The following TCF12 variants were observed in gnomAD, a reference collection of about 807,000 sequenced individuals.
TCF12 encodes the protein transcription factor 12.
A neutral mutation model predicts 86.0 loss-of-function variants in TCF12; 45 were observed. The observed-to-expected ratio is 0.52, with a 90% confidence interval of 0.41 to 0.67. The LOEUF is 0.67. TCF12 is among the 30% of genes least tolerant of loss of function. TCF12 has a pLI of 0.00. For missense variants in TCF12, 881 were observed against 859.9 expected (o/e 1.02, Z -0.31); for synonymous variants, 330 against 299.6 (o/e 1.10, Z -1.05).
intron 5 of TCF12, among the ~76,000 whole-genome samples, chr15:57,147,137 A>G (rs2053416384): frequency 6.6e-6 from 1 of 152,186 alleles, no homozygotes; most frequent in Admixed American, 6.5e-5. Flanking sequence ...TTAAATAGAT[A>G]TTGGCTGAAT....
intron 6 of TCF12, among the ~76,000 whole-genome samples, chr15:57,187,970 A>G (rs891578836): frequency 1.3e-5 from 2 of 152,036 alleles, no homozygotes; most frequent in Non-Finnish European, 2.9e-5. Flanking sequence ...TTAGCTAGCC[A>G]AGAAAAAGAA....
At chr15:57,063,274 A>T (rs16977228) in intron 3 of TCF12, among the ~76,000 whole-genome samples, 4,367 of 152,316 alleles carry the variant, frequency 0.029, 74 homozygotes, top group Non-Finnish European at 0.045. Flanking sequence ...ATTTAGTTTG[A>T]TGTCATCAGT....
intron 16 of TCF12, among the ~76,000 whole-genome samples, chr15:57,254,857 C>CAAAAAAAA (rs777934020): frequency 1.7e-4 from 17 of 102,464 alleles, no homozygotes; most frequent in Middle Eastern, 5.0e-3. Flanking sequence ...GACCCTGTCT[C>CAAAAAAAA]AAAAAAAAAA....
chr15:57,015,644 C>G (rs2065111359), intron 3 of TCF12, among the ~76,000 whole-genome samples: 1 of 152,126 alleles, frequency 6.6e-6, no homozygotes, highest in African/African-American at 2.4e-5. Flanking sequence ...TCTGGAGTGT[C>G]CATTTGTGGG....
chr15:57,029,626 T>C (rs2066025810), intron 3 of TCF12, among the ~76,000 whole-genome samples: 1 of 152,190 alleles, frequency 6.6e-6, no homozygotes, highest in African/African-American at 2.4e-5. Flanking sequence ...TTTTTTGGTG[T>C]ATAAGTCAAT....
intron 3 of TCF12, among the ~76,000 whole-genome samples, chr15:57,006,173 A>T (rs1043971269): frequency 6.6e-6 from 1 of 152,228 alleles, no homozygotes; most frequent in Non-Finnish European, 1.5e-5. Flanking sequence ...TATCACCACA[A>T]AAATTAAAAG....
intron 18 of TCF12, among the ~76,000 whole-genome samples, chr15:57,265,446 T>C (rs2060816931): frequency 6.6e-6 from 1 of 152,180 alleles, no homozygotes; most frequent in South Asian, 2.1e-4. Context: ...GGATTGTTTC[T>C]ACCTTGCTCC....
At chr15:57,163,494 G>C (rs1277432545) in intron 5 of TCF12, among the ~76,000 whole-genome samples, 1 of 152,150 alleles carries the variant, frequency 6.6e-6, no homozygotes, top group East Asian at 1.9e-4. Flanking sequence ...GAGCCCAGGA[G>C]TTTGAGACCA....
intron 19 of TCF12, among the ~76,000 whole-genome samples, chr15:57,274,409 C>T (rs942110516): frequency 6.6e-6 from 1 of 152,168 alleles, no homozygotes; most frequent in Admixed American, 6.5e-5. Context: ...TGGATACTTG[C>T]TCCTCTTCTC....
intron 5 of TCF12, among the ~76,000 whole-genome samples, chr15:57,103,810 G>C (rs879436396): frequency 6.6e-6 from 1 of 152,084 alleles, no homozygotes. Flanking sequence ...TTCGAGACCA[G>C]CCTGGCTAAC....
rs1172206511 is a variant in TCF12, at chr15:57,077,327, ATGTGTGTGTGTG to A, written c.222+13540_222+13551del. On this transcript the variant is annotated intron_variant, in intron 4 of 20. Coordinates refer to ENST00000333725, the MANE Select transcript of TCF12 (RefSeq NM_207037.2). ...TTACTTTCCATATATATGTATATAT[ATGTGTGTGTGTG>A]TGTGTGTGTGTGTGTGTGTGTGTGT... 5.8e-4 allele frequency among the ~76,000 whole-genome samples: 15 copies of A among 25,702 alleles called. 1 individual carries two copies. The highest frequency in any genetic ancestry group is 4.9e-3 in the East Asian group (4 of 810). The allele number at this position is 25,702 out of a possible 152,430, so 16.9% of individuals were successfully genotyped here.
At chr15:57,248,029 G>A (rs1206002360) in intron 13 of TCF12, 6 of 705,874 alleles carry the variant, frequency 8.5e-6, no homozygotes, top group African/African-American at 5.2e-5. Context: ...GTTGGGCAGC[G>A]GTTTTACCTC....
intron 5 of TCF12, among the ~76,000 whole-genome samples, chr15:57,162,629 T>C (rs1438046672): frequency 6.6e-6 from 1 of 152,324 alleles, no homozygotes; most frequent in Non-Finnish European, 1.5e-5. Context: ...GTTTTCATTC[T>C]CTTTGAATTC....
chr15:56,973,724 A>G (rs2062457587), intron 3 of TCF12, among the ~76,000 whole-genome samples: 1 of 152,168 alleles, frequency 6.6e-6, no homozygotes, highest in African/African-American at 2.4e-5. Context: ...GCCTCACAAG[A>G]TACTATTTCC....
chr15:57,244,360 T>C (rs2059762572), intron 13 of TCF12, among the ~76,000 whole-genome samples: 1 of 145,540 alleles, frequency 6.9e-6, no homozygotes, highest in South Asian at 2.2e-4. Flanking sequence ...TTATTTCCCA[T>C]AGATAAAAAA....
At chr15:57,105,857 A>G (rs1767537573) in intron 5 of TCF12, among the ~76,000 whole-genome samples, 1 of 152,214 alleles carries the variant, frequency 6.6e-6, no homozygotes, top group African/African-American at 2.4e-5. Flanking sequence ...TGGCCACCTC[A>G]TAAACTGTAA....
chr15:57,260,448 G>C (rs2060537688), intron 16 of TCF12, among the ~76,000 whole-genome samples: 1 of 152,114 alleles, frequency 6.6e-6, no homozygotes, highest in South Asian at 2.1e-4. Flanking sequence ...CATACACTAA[G>C]TATACATATG....
intron 6 of TCF12, among the ~76,000 whole-genome samples, chr15:57,170,716 TATATATTATATATTATATATAA>T (rs2055352394): frequency 5.0e-4 from 1 of 1,992 alleles, no homozygotes; most frequent in African/African-American, 1.5e-3. Flanking sequence ...ATATATAATA[TATATATTATATATTATATATAA>T]TATATATTAT....
intron 3 of TCF12, among the ~76,000 whole-genome samples, chr15:56,970,143 C>G (rs1284350707): frequency 1.3e-5 from 2 of 152,078 alleles, no homozygotes; most frequent in Non-Finnish European, 2.9e-5. Context: ...CATCTCAGAG[C>G]ACTGGGGTAA....
Sources: allele counts gnomAD v4.1 joint callset (sites outside exome capture counted in the v4.1 genomes callset), GRCh38; gene constraint gnomAD v4.1.1; transcripts MANE v1.5; gene names NCBI Gene and HGNC (gene_info 2026-07-23, HGNC 2026-07-21).